DLG2: variants seen among roughly 807,000 people sequenced by gnomAD.
DLG2 encodes the protein discs large MAGUK scaffold protein 2.
A neutral mutation model predicts 132.5 loss-of-function variants in DLG2; 45 were observed. That is an observed-to-expected ratio of 0.34 (90% CI 0.27 to 0.44). DLG2 has a LOEUF of 0.44. Ranked by LOEUF, DLG2 falls within the 20% of genes least tolerant of loss-of-function variation. The pLI is 1.00. For missense variants in DLG2, 1,045 were observed against 1,196.9 expected (o/e 0.87, Z 1.87); for synonymous variants, 424 against 419.6 (o/e 1.01, Z -0.13).
At chr11:84,720,988 C>A (rs2061767507) in intron 6 of DLG2, 1 of 152,290 alleles carries the variant, frequency 6.6e-6, no homozygotes, top group South Asian at 2.1e-4. Flanking sequence ...GCTGTGCTTG[C>A]CAGACTGGCC....
intron 3 of DLG2, among the ~76,000 whole-genome samples, chr11:85,368,494 C>T (rs550115842): frequency 5.4e-4 from 83 of 152,364 alleles, no homozygotes; most frequent in Middle Eastern, 3.4e-3. Flanking sequence ...ACCACCTCCA[C>T]TGTTCTCCTA....
intron 7 of DLG2, chr11:84,317,235 T>C: frequency 6.6e-7 from 1 of 1,515,194 alleles, no homozygotes; most frequent in South Asian, 1.3e-5. Context: ...GTTGTAAAAG[T>C]CTTTTTTCCA....
intron 7 of DLG2, among the ~76,000 whole-genome samples, chr11:84,354,663 AC>A (rs1297327488): frequency 3.3e-5 from 5 of 151,856 alleles, no homozygotes; most frequent in African/African-American, 1.2e-4. Context: ...CATCTGTCAA[AC>A]CCTAGATCTA....
At position 84,252,140 on chromosome 11, in the gene DLG2, C is replaced by CTTTTTTTT. The variant is rs1176873990; in HGVS notation, c.520-857_520-850dup. On this transcript the variant is annotated intron_variant, in intron 7 of 27. Coordinates refer to ENST00000376104, the MANE Select transcript of DLG2 (RefSeq NM_001142699.3). ...GCTGTATCCTGTATTTTCTTTCTTT[C>CTTTTTTTT]TTTTTTTTTTTTTTTTTTTTTTTTT... 8.1e-3 allele frequency among the ~76,000 whole-genome samples: 530 copies of CTTTTTTTT among 65,366 alleles called. 2 individuals carry two copies. The highest frequency in any genetic ancestry group is 0.01 in the Non-Finnish European group (377 of 37,204). 42.9% of individuals were successfully genotyped at this position (65,366 alleles called of 152,430 possible). A position where few individuals can be genotyped will look rare whatever the true frequency, so the allele number is the denominator to read the frequency against.
intron 4 of DLG2, among the ~76,000 whole-genome samples, chr11:85,175,094 G>C (rs946990629): frequency 1.3e-5 from 2 of 152,088 alleles, no homozygotes; most frequent in Non-Finnish European, 2.9e-5. Context: ...TGAAAGGAAA[G>C]ACTCCTCCCT....
chr11:84,509,442 G>A (rs2099251241), intron 7 of DLG2, among the ~76,000 whole-genome samples: 2 of 152,108 alleles, frequency 1.3e-5, no homozygotes, highest in Non-Finnish European at 2.9e-5. Context: ...CTGGACAAGT[G>A]AAACCTTTGG....
At chr11:84,013,546 A>T (rs542210868) in intron 11 of DLG2, among the ~76,000 whole-genome samples, 1 of 152,202 alleles carries the variant, frequency 6.6e-6, no homozygotes, top group South Asian at 2.1e-4. Context: ...GACCTCTTTA[A>T]TAGCCTACAG....
At chr11:84,365,059 A>G (rs1392828459) in intron 7 of DLG2, among the ~76,000 whole-genome samples, 1 of 151,906 alleles carries the variant, frequency 6.6e-6, no homozygotes, top group East Asian at 1.9e-4. Context: ...CTCTTTTTCT[A>G]TTGATTGGAA....
At chr11:84,149,625 A>G (rs2095225811) in intron 9 of DLG2, among the ~76,000 whole-genome samples, 1 of 152,060 alleles carries the variant, frequency 6.6e-6, no homozygotes, top group Non-Finnish European at 1.5e-5. Flanking sequence ...GTAGCCTTGT[A>G]ATGTAGTTGA....
intron 3 of DLG2, among the ~76,000 whole-genome samples, chr11:85,391,108 G>T (rs2086760334): frequency 6.6e-6 from 1 of 151,950 alleles, no homozygotes; most frequent in Non-Finnish European, 1.5e-5. Context: ...AGGAGATATT[G>T]CAACGGATAC....
chr11:85,147,116 ACTGTCTTTCCTAC>A (rs1452591552), intron 5 of DLG2, among the ~76,000 whole-genome samples: 1 of 152,162 alleles, frequency 6.6e-6, no homozygotes, highest in Non-Finnish European at 1.5e-5. Flanking sequence ...GCAATGCGAA[ACTGTCTTTCCTAC>A]CTTCTTTAGT....
intron 16 of DLG2, among the ~76,000 whole-genome samples, chr11:83,873,728 C>A (rs540739671): frequency 6.6e-6 from 1 of 152,098 alleles, no homozygotes; most frequent in East Asian, 1.9e-4. Flanking sequence ...TTTTTTCTTC[C>A]CTTGGAGGAA....
chr11:83,981,423 G>A (rs565296952), intron 11 of DLG2, among the ~76,000 whole-genome samples: 10 of 152,064 alleles, frequency 6.6e-5, no homozygotes, highest in African/African-American at 1.9e-4. Flanking sequence ...TAAAAAGAAT[G>A]TTAAAAAATT....
chr11:85,117,659 T>TA lies in DLG2; in HGVS notation c.283-5925dup, dbSNP rs553981610. Among the ~76,000 whole-genome samples, 282 of 124,000 alleles carry TA rather than the reference T, an allele frequency of 2.3e-3. 1 individual carries two copies. The highest frequency in any genetic ancestry group is 4.4e-3 in the African/African-American group (151 of 33,946). The allele number at this position is 124,000 out of a possible 152,430, so 81.3% of individuals were successfully genotyped here. ...AAATAGGAATAAAAAAAAAAACTAG[T>TA]AAAAAAAAAAATGAAAAGAGAAGTC... On this transcript the variant is annotated intron_variant, in intron 5 of 27. Coordinates refer to ENST00000376104, the MANE Select transcript of DLG2 (RefSeq NM_001142699.3).
Position 83,852,771 on chromosome 11 carries a change from A to G in DLG2, c.1566-19001T>C, listed in dbSNP as rs564631411. ...ATTCTAGGGGAGGCTTTACATAACAATTAGTTCAGCCCTGATGAGTTTTCT... is the reference window on the plus strand; with the variant it reads ...ATTCTAGGGGAGGCTTTACATAACAGTTAGTTCAGCCCTGATGAGTTTTCT... On this transcript the variant is annotated intron_variant, in intron 16 of 27. Transcript: ENST00000376104. Among the ~76,000 whole-genome samples, 8 of 152,302 alleles carry G rather than the reference A, an allele frequency of 5.3e-5. No homozygotes were observed. The South Asian group carries it at 1.7e-3, about 32-fold the overall frequency.
chr11:85,441,805 C>G (rs2091792807), intron 3 of DLG2, among the ~76,000 whole-genome samples: 1 of 151,960 alleles, frequency 6.6e-6, no homozygotes, highest in African/African-American at 2.4e-5. Context: ...AGGATCCTGT[C>G]CAGGAATAAA....
Position 85,090,682 on chromosome 11 carries a change from A to ACC in DLG2, c.357+20978_357+20979insGG, listed in dbSNP as rs535085800. 1.2e-3 allele frequency among the ~76,000 whole-genome samples: 181 copies of ACC among 152,342 alleles called. 2 individuals are homozygous for ACC. The Middle Eastern group carries it at 0.02, about 17-fold the overall frequency. ...TAAGCTTGTATTAGTCTACACATATATAGGCATACCTCAGAGATACTTCAG... is the reference window on the plus strand; with the variant it reads ...TAAGCTTGTATTAGTCTACACATATACCTAGGCATACCTCAGAGATACTTCAG... On this transcript the variant is annotated intron_variant, in intron 6 of 27. Transcript: ENST00000376104.
chr11:83,965,325 G>C lies in DLG2; in HGVS notation c.1200C>G (p.His400Gln). 6.2e-7 allele frequency: 1 copy of C among 1,604,394 alleles called. No individual in the cohort carries two copies. The highest frequency in any genetic ancestry group is 1.1e-5 in the South Asian group (1 of 89,300). ...TDPYGPPDIT[H>Q]SYSPPMENHL... ...TTTGAAGATGACAATGGTACTTACA[G>C]TGAGTAATATCAGGTGGACCATAAG... Residue 400 changes from histidine to glutamine, a missense_variant and splice_region_variant, in exon 13 of 28, where the codon CAC (histidine) becomes CAG (glutamine). By Grantham distance (24) the His-to-Gln change is conservative. Around this residue, in one of 4 missense-constraint regions of DLG2, gnomAD observed 261 missense variants for 256.1 expected, o/e 1.02. Transcript: ENST00000376104.
At chr11:84,165,914 A>T (rs960277822) in intron 8 of DLG2, among the ~76,000 whole-genome samples, 1 of 151,946 alleles carries the variant, frequency 6.6e-6, no homozygotes, top group Admixed American at 6.6e-5. Context: ...AAAACTAAAC[A>T]AACAACAACA....
Sources: allele counts gnomAD v4.1 joint callset (sites outside exome capture counted in the v4.1 genomes callset), GRCh38; gene constraint gnomAD v4.1.1; regional missense constraint gnomAD v4.1.1; transcripts MANE v1.5; gene names NCBI Gene and HGNC (gene_info 2026-07-23, HGNC 2026-07-21).